Variants in OLFM2 observed in about 807,000 individuals in gnomAD.
OLFM2 encodes olfactomedin 2.
OLFM2 carries 20 observed loss-of-function variants against 43.9 expected under a neutral mutation model. The observed-to-expected ratio is 0.46, with a 90% CI of 0.32 to 0.66. The LOEUF is 0.66. Among genes scored for constraint, OLFM2 ranks in the 30% least tolerant of loss-of-function variants. OLFM2 has a pLI of 0.04. For synonymous variants in OLFM2, 268 were observed against 278.6 expected, an observed-to-expected ratio of 0.96 and a Z score of 0.38; for missense variants, 416 against 643.6, an observed-to-expected ratio of 0.65 and a Z score of 3.83.
At chr19:9,862,468 T>A (rs1225287925) in intron 1 of OLFM2, among the ~76,000 whole-genome samples, 1 of 151,590 alleles carries the variant, frequency 6.6e-6, no homozygotes, top group Non-Finnish European at 1.5e-5. Context: ...GGTCAGGAGT[T>A]TAAGGCCACC....
At chr19:9,891,573 GCAC>G (rs886596638) in intron 1 of OLFM2, among the ~76,000 whole-genome samples, 4 of 149,688 alleles carry the variant, frequency 2.7e-5, no homozygotes, top group African/African-American at 9.9e-5. Flanking sequence ...AGCTGAGATG[GCAC>G]CACTGCACTC....
At chr19:9,899,858 A>C (rs1436404809) in intron 1 of OLFM2, among the ~76,000 whole-genome samples, 1 of 146,396 alleles carries the variant, frequency 6.8e-6, no homozygotes, top group Non-Finnish European at 1.5e-5. Context: ...CACCCGCCCC[A>C]CCCCCGCCGG....
intron 1 of OLFM2, among the ~76,000 whole-genome samples, chr19:9,912,200 G>A (rs1377578559): frequency 6.6e-6 from 1 of 151,982 alleles, no homozygotes; most frequent in African/African-American, 2.4e-5. Flanking sequence ...GAAACACACC[G>A]TCTCACACAT....
chr19:9,854,694 T>C lies in OLFM2; in HGVS notation c.857A>G (p.Asn286Ser), dbSNP rs1185955970. The change falls in exon 6 of 6, where the codon AAC becomes AGC. Residue 286 changes from asparagine (N) to serine (S), a missense_variant. Asn to Ser is a conservative substitution (Grantham distance 46, BLOSUM62 1). Transcript: ENST00000264833. The surrounding 1 kb of genome is among the most constrained non-coding windows in gnomAD (Gnocchi z 9.5). ...GCGGAAGTGGTATTTGACCACCACG[T>C]TGCTCTGGTACTTGTTATAGAACAG... is the stretch of plus-strand genomic sequence containing the variant. ...GSLFYNKYQSNVVVKYHFRSR... is the reference protein window; with the variant it reads ...GSLFYNKYQSSVVVKYHFRSR... 6.2e-7 allele frequency: 1 copy of C among 1,614,126 alleles called. No individual in the cohort carries two copies. The highest frequency in any genetic ancestry group is 8.5e-7 in the Non-Finnish European group (1 of 1,180,054).
chr19:9,867,683 C>T (rs1035824657), intron 1 of OLFM2, among the ~76,000 whole-genome samples: 23 of 152,048 alleles, frequency 1.5e-4, no homozygotes, highest in African/African-American at 5.1e-4. Context: ...AATATGAGAG[C>T]GGGGATTAGA....
intron 1 of OLFM2, among the ~76,000 whole-genome samples, chr19:9,921,675 C>T (rs145752927): frequency 0.029 from 4,433 of 151,860 alleles, 200 homozygotes; most frequent in African/African-American, 0.099. Context: ...TTAGTAGAGA[C>T]GGGGTTTCAC....
chr19:9,910,646 A>G (rs927825398), intron 1 of OLFM2, among the ~76,000 whole-genome samples: 3 of 152,042 alleles, frequency 2.0e-5, no homozygotes, highest in Non-Finnish European at 4.4e-5. Context: ...ATGGATGCAC[A>G]GAGGATAGAA....
At chr19:9,873,842 G>T (rs779311426) in intron 1 of OLFM2, among the ~76,000 whole-genome samples, 59 of 103,436 alleles carry the variant, frequency 5.7e-4, no homozygotes, top group Non-Finnish European at 9.6e-4. Context: ...GTAGAGACAG[G>T]ATCTCACTAT....
chr19:9,920,662 G>A lies in OLFM2; in HGVS notation c.63+15642C>T, dbSNP rs566597836. Among the ~76,000 whole-genome samples the A allele has an allele frequency of 2.0e-5, 3 of 151,758 alleles. No homozygotes were observed. The East Asian group carries it at 5.8e-4, about 29-fold the overall frequency. On this transcript the variant is annotated intron_variant, in intron 1 of 5. Coordinates refer to ENST00000264833, the MANE Select transcript of OLFM2 (RefSeq NM_058164.4). ...TGTAATCCCAGCACTTTGGAAGGCT[G>A]AGGTAGGCAGATCACTTGAGGCCAG...
chr19:9,904,896 G>A (rs544113050), intron 1 of OLFM2, among the ~76,000 whole-genome samples: 3 of 152,238 alleles, frequency 2.0e-5, no homozygotes, highest in African/African-American at 4.8e-5. Context: ...GTGCACACCT[G>A]TAGTCCCAGC....
At chr19:9,871,495 C>T (rs1035309366) in intron 1 of OLFM2, among the ~76,000 whole-genome samples, 2 of 151,134 alleles carry the variant, frequency 1.3e-5, no homozygotes, top group African/African-American at 4.9e-5. Flanking sequence ...CTCGCTTGAA[C>T]CCTGGAGGCG....
chr19:9,886,477 T>TA (rs2046587882), intron 1 of OLFM2, among the ~76,000 whole-genome samples: 1 of 151,956 alleles, frequency 6.6e-6, no homozygotes, highest in Non-Finnish European at 1.5e-5. Flanking sequence ...AACATGTTGG[T>TA]ATTACCGCAC....
chr19:9,910,536 C>T (rs1241795010), intron 1 of OLFM2, among the ~76,000 whole-genome samples: 1 of 152,036 alleles, frequency 6.6e-6, no homozygotes, highest in African/African-American at 2.4e-5. Context: ...GCTTGGGCAA[C>T]ATGGTGAGAC....
chr19:9,895,996 T>C (rs2046679565), intron 1 of OLFM2, among the ~76,000 whole-genome samples: 1 of 152,160 alleles, frequency 6.6e-6, no homozygotes, highest in African/African-American at 2.4e-5. Flanking sequence ...ATAAAACTCC[T>C]TAATGTCGCC....
chr19:9,920,047 G>T (rs1001575820), intron 1 of OLFM2, among the ~76,000 whole-genome samples: 10 of 148,816 alleles, frequency 6.7e-5, no homozygotes, highest in Non-Finnish European at 1.5e-5. Context: ...CAGGTGGTCT[G>T]CCCACCTTGG....
intron 1 of OLFM2, among the ~76,000 whole-genome samples, chr19:9,899,554 C>T (rs940754502): frequency 1.5e-5 from 2 of 136,070 alleles, no homozygotes; most frequent in African/African-American, 6.4e-5. Context: ...TTGTTTTGTT[C>T]TTCTCTTTTC....
chr19:9,932,435 A>T (rs1049979993), intron 1 of OLFM2, among the ~76,000 whole-genome samples: 19 of 149,266 alleles, frequency 1.3e-4, no homozygotes, highest in African/African-American at 4.8e-4. Context: ...AGCCCAGGCA[A>T]CAGAGTGAGA....
chr19:9,855,964 A>C (rs1464767650), intron 5 of OLFM2, among the ~76,000 whole-genome samples: 1 of 152,228 alleles, frequency 6.6e-6, no homozygotes, highest in Non-Finnish European at 1.5e-5. Flanking sequence ...GTTAGTGGTC[A>C]CTGGACAGCC....
At chr19:9,935,433 G>A (rs1325200531) in intron 1 of OLFM2, among the ~76,000 whole-genome samples, 2 of 152,010 alleles carry the variant, frequency 1.3e-5, no homozygotes, top group Non-Finnish European at 2.9e-5. Context: ...GCCATGGGGA[G>A]GGAGACCCGC....
Sources: allele counts gnomAD v4.1 joint callset (sites outside exome capture counted in the v4.1 genomes callset), GRCh38; gene constraint gnomAD v4.1.1; non-coding constraint Gnocchi (gnomAD v3.1); transcripts MANE v1.5; gene names NCBI Gene and HGNC (gene_info 2026-07-23, HGNC 2026-07-21).